The following TJP1 variants were observed in gnomAD, a reference collection of about 807,000 sequenced individuals.
TJP1 encodes tight junction protein ZO-1.
A neutral mutation model predicts 194.2 loss-of-function variants in TJP1; 43 were observed. The ratio of observed to expected loss-of-function variants is 0.22; its 90% CI spans 0.17 to 0.29. The LOEUF is 0.29. TJP1 is among the 10% of genes least tolerant of loss of function. The pLI is 1.00. For missense variants in TJP1, 1,971 were observed against 2,185.7 expected (o/e 0.90, Z 1.96); for synonymous variants, 801 against 779.0 (o/e 1.03, Z -0.47).
chr15:29,851,368 A>G (rs2051635789), intron 2 of TJP1, among the ~76,000 whole-genome samples: 2 of 151,876 alleles, frequency 1.3e-5, no homozygotes, highest in African/African-American at 4.8e-5. Flanking sequence ...CTGAAATTTG[A>G]TAACTCAGAA....
intron 2 of TJP1, among the ~76,000 whole-genome samples, chr15:29,796,715 T>C (rs1189427260): frequency 6.6e-6 from 1 of 152,214 alleles, no homozygotes; most frequent in Non-Finnish European, 1.5e-5. Context: ...GGAGCTAGAA[T>C]AGCCAAAATA....
intron 2 of TJP1, among the ~76,000 whole-genome samples, chr15:29,909,316 C>A (rs567259510): frequency 3.8e-5 from 5 of 130,500 alleles, no homozygotes; most frequent in Admixed American, 2.6e-4. Context: ...CCAGCCTGGG[C>A]GACAGAGCAT....
At chr15:29,919,660 C>T (rs995426277) in intron 2 of TJP1, among the ~76,000 whole-genome samples, 6 of 152,118 alleles carry the variant, frequency 3.9e-5, no homozygotes, top group African/African-American at 1.4e-4. Flanking sequence ...GAGCCCTGGG[C>T]ATTTTGGGGG....
At chr15:29,817,421 T>C (rs755634128) in intron 1 of TJP1, among the ~76,000 whole-genome samples, 2 of 152,212 alleles carry the variant, frequency 1.3e-5, no homozygotes, top group Admixed American at 6.5e-5. Flanking sequence ...GAAGATAGTA[T>C]GGCAATTCCT....
At chr15:29,767,746 CTCCCCTCCTAAATTTTTTCAGTATT>C (rs1481882970) in intron 4 of TJP1, among the ~76,000 whole-genome samples, 1 of 152,132 alleles carries the variant, frequency 6.6e-6, no homozygotes, top group Admixed American at 6.5e-5. Flanking sequence ...TTTACTCCCC[CTCCCCTCCTAAATTTTTTCAGTATT>C]TCCCCTCCTA....
intron 2 of TJP1, among the ~76,000 whole-genome samples, chr15:29,921,987 G>C (rs1420104700): frequency 6.6e-6 from 1 of 151,944 alleles, no homozygotes; most frequent in Non-Finnish European, 1.5e-5. Context: ...TGGGATTACA[G>C]GCATGCACCA....
At chr15:29,910,509 C>CA (rs1567187759) in intron 2 of TJP1, among the ~76,000 whole-genome samples, 2 of 152,296 alleles carry the variant, frequency 1.3e-5, no homozygotes, top group African/African-American at 4.8e-5. Flanking sequence ...ACATTTTAAA[C>CA]ACTGTTTATA....
intron 2 of TJP1, among the ~76,000 whole-genome samples, chr15:29,913,532 C>T (rs4779672): frequency 0.16 from 24,902 of 152,106 alleles, 2,323 homozygotes; most frequent in East Asian, 0.31. Flanking sequence ...TCATAACCTC[C>T]AAAGGGTTAA....
intron 23 of TJP1, among the ~76,000 whole-genome samples, chr15:29,714,255 T>A (rs2042413096): frequency 6.6e-6 from 1 of 152,204 alleles, no homozygotes; most frequent in Admixed American, 6.5e-5. Flanking sequence ...CCTTTTTTTT[T>A]TTGAGATGAG....
At chr15:29,744,899 A>T (rs1228044996) in intron 8 of TJP1, among the ~76,000 whole-genome samples, 1 of 152,164 alleles carries the variant, frequency 6.6e-6, no homozygotes, top group Non-Finnish European at 1.5e-5. Context: ...GGAGGAAAAA[A>T]TTCTAAATAA....
In TJP1 at chr15:29,718,123, TTA is replaced by T; in HGVS notation, c.3877-7_3877-6del. 3 of 1,554,440 alleles carry T rather than the reference TTA, an allele frequency of 1.9e-6. No homozygotes were observed. Among genetic ancestry groups the T allele is most frequent in the Admixed American group, 2.0e-5 (1 of 49,992 alleles). The stretch of plus-strand genomic sequence containing the variant: ...TTTAGATGCTACTTCTGGAGGCTGT[TTA>T]AAAAAAAAAAAAAAAAAAAGACAAA... On this transcript the variant is annotated splice_polypyrimidine_tract_variant and splice_region_variant and intron_variant, in intron 21 of 27. Coordinates refer to ENST00000614355, the MANE Select transcript of TJP1 (RefSeq NM_001330239.4).
chr15:29,742,262 C>A (rs1351268422), intron 9 of TJP1, among the ~76,000 whole-genome samples: 4 of 150,964 alleles, frequency 2.6e-5, no homozygotes, highest in Non-Finnish European at 4.4e-5. Context: ...AAAAAAAAAA[C>A]CCAAAGACAA....
At chr15:29,913,982 G>A (rs564396509) in intron 2 of TJP1, among the ~76,000 whole-genome samples, 25 of 152,280 alleles carry the variant, frequency 1.6e-4, no homozygotes, top group Middle Eastern at 6.8e-3. Context: ...TTCTCAGAGT[G>A]AGTTCGCTCT....
At chr15:29,859,278 G>A (rs1350315543) in intron 2 of TJP1, among the ~76,000 whole-genome samples, 1 of 152,138 alleles carries the variant, frequency 6.6e-6, no homozygotes, top group Non-Finnish European at 1.5e-5. Flanking sequence ...GAGACACTAT[G>A]GTAGTATCTT....
At chr15:29,699,624 T>G (rs1213955367), downstream of TJP1, 2 of 152,186 alleles carry the variant, frequency 1.3e-5, no homozygotes, top group Admixed American at 1.3e-4. Flanking sequence ...AAAATCCACA[T>G]AGATGGATTC....
intron 2 of TJP1, among the ~76,000 whole-genome samples, chr15:29,828,980 T>C (rs887449396): frequency 1.3e-5 from 2 of 152,182 alleles, no homozygotes; most frequent in African/African-American, 4.8e-5. Context: ...CTCGAACTCC[T>C]GACCTTAAGT....
At chr15:29,704,399 A>G in intron 26 of TJP1, 94 bp from the exon 27 acceptor site, 1 of 1,449,666 alleles carries the variant, frequency 6.9e-7, no homozygotes, top group Admixed American at 2.1e-5. Context: ...TATATGCTTG[A>G]AAGCCTAATG....
intron 27 of TJP1, 106 bp downstream of exon 27, chr15:29,704,056 C>G: frequency 2.4e-6 from 3 of 1,239,342 alleles, no homozygotes; most frequent in Non-Finnish European, 2.2e-6. Flanking sequence ...GCCACAGGAA[C>G]AGAGATAGAG....
intron 2 of TJP1, among the ~76,000 whole-genome samples, chr15:29,849,119 T>A (rs2051534567): frequency 6.6e-6 from 1 of 152,242 alleles, no homozygotes; most frequent in East Asian, 1.9e-4. Context: ...TTAAAATTAA[T>A]GTTTTGAGTA....
Sources: allele counts gnomAD v4.1 joint callset (sites outside exome capture counted in the v4.1 genomes callset), GRCh38; gene constraint gnomAD v4.1.1; transcripts MANE v1.5; gene names NCBI Gene and HGNC (gene_info 2026-07-23, HGNC 2026-07-21).